The following FRMD6 variants were observed in gnomAD, a reference collection of about 807,000 sequenced individuals.
The protein encoded by FRMD6 is FERM domain containing 6.
In FRMD6, 37 loss-of-function variants were observed where a neutral mutation model predicts 73.2. The ratio of observed to expected loss-of-function variants is 0.51; its 90% CI spans 0.39 to 0.66. The LOEUF (loss-of-function observed/expected upper bound fraction) is 0.66. FRMD6 is among the 30% of genes least tolerant of loss of function. FRMD6 has a pLI of 0.00. For missense variants in FRMD6, 714 were observed against 780.5 expected, an observed-to-expected ratio of 0.91 and a Z score of 1.02; for synonymous variants, 273 against 282.2, an observed-to-expected ratio of 0.97 and a Z score of 0.33.
rs17124010 is a variant in FRMD6, at chr14:51,491,935, A to G, written c.-210+2515A>G. On this transcript the variant is annotated intron_variant, in intron 1 of 14. Coordinates refer to the FRMD6 transcript ENST00000356218. ...CAAAGGACTTCCTCTGCTGCCTGTG[A>G]GTTGTCTCTCCAAGTGTCCTGTCGT... 3.1e-3 allele frequency among the ~76,000 whole-genome samples: 475 copies of G among 152,280 alleles called. 6 individuals carry two copies. Among genetic ancestry groups the G allele is most frequent in the African/African-American group, 0.01 (436 of 41,556 alleles).
chr14:51,685,634 A>G (rs1895097554), intron 1 of FRMD6, among the ~76,000 whole-genome samples: 1 of 152,218 alleles, frequency 6.6e-6, no homozygotes, highest in East Asian at 1.9e-4. Flanking sequence ...TACAGTATTC[A>G]TAGCACAGTA....
At chr14:51,658,630 A>T (rs911229654) in intron 1 of FRMD6, among the ~76,000 whole-genome samples, 1 of 152,162 alleles carries the variant, frequency 6.6e-6, no homozygotes, top group Non-Finnish European at 1.5e-5. Flanking sequence ...GGAAACATCC[A>T]ATCTTTGTCT....
In FRMD6 at chr14:51,631,518, G is replaced by T. The variant is rs151112970; in HGVS notation, c.-146-58173G>T. 3.5e-3 allele frequency among the ~76,000 whole-genome samples: 533 copies of T among 152,304 alleles called. 1 individual carries two copies. The highest frequency in any genetic ancestry group is 5.7e-3 in the Non-Finnish European group (385 of 68,028). ...CTAGAATCAAGCTAAGGAAGCTAAG[G>T]GTTGTTCATGCTTAGGTAGAGAAGG... On this transcript the variant is annotated intron_variant, in intron 2 of 14. Coordinates refer to the FRMD6 transcript ENST00000356218.
chr14:51,617,746 G>T (rs1225702454), intron 2 of FRMD6, among the ~76,000 whole-genome samples: 6 of 152,030 alleles, frequency 3.9e-5, no homozygotes, highest in Admixed American at 3.9e-4. Context: ...TATTTTCTAT[G>T]AATTAGTCAG....
intron 11 of FRMD6, among the ~76,000 whole-genome samples, chr14:51,721,063 T>C (rs1001388639): frequency 6.6e-6 from 1 of 152,200 alleles, no homozygotes; most frequent in Admixed American, 6.5e-5. Context: ...ATCTTTTTGG[T>C]TTCTGTAGAA....
chr14:51,554,300 A>C (rs1214786344), intron 1 of FRMD6, among the ~76,000 whole-genome samples: 1 of 152,184 alleles, frequency 6.6e-6, no homozygotes. Flanking sequence ...TATAAAAGAG[A>C]CAAATCTCCC....
chr14:51,560,683 C>T (rs1260286847), intron 1 of FRMD6, among the ~76,000 whole-genome samples: 2 of 152,146 alleles, frequency 1.3e-5, no homozygotes, highest in African/African-American at 4.8e-5. Flanking sequence ...AGGGTTTCAC[C>T]ATGTTGATCA....
intron 2 of FRMD6, 23 bp from the exon 3 acceptor site, chr14:51,698,119 C>T (rs1243776508): frequency 8.9e-6 from 14 of 1,566,178 alleles, no homozygotes; most frequent in East Asian, 2.2e-5. Context: ...TGTTATTTTA[C>T]GTCGTGCCTT....
chr14:51,725,908 A>T, intron 13 of FRMD6, 38 bp downstream of exon 13: 1 of 1,476,690 alleles, frequency 6.8e-7, no homozygotes, highest in Non-Finnish European at 9.4e-7. Context: ...TAGGAAACTG[A>T]AGTTATAGAA....
At chr14:51,591,690 G>A (rs1207848111) in intron 2 of FRMD6, among the ~76,000 whole-genome samples, 12 of 152,054 alleles carry the variant, frequency 7.9e-5, no homozygotes, top group Admixed American at 7.9e-4. Context: ...TTACAGGTGT[G>A]CGCCACCATG....
intron 2 of FRMD6, among the ~76,000 whole-genome samples, chr14:51,622,091 T>C (rs1225842214): frequency 4.6e-5 from 7 of 151,624 alleles, no homozygotes; most frequent in Non-Finnish European, 1.0e-4. Context: ...GCTGATGGAG[T>C]CTAAGCTTCA....
At chr14:51,411,476 C>G in the FRMD6 span, among the ~76,000 whole-genome samples, 1 of 152,206 alleles carries the variant, frequency 6.6e-6, no homozygotes, top group Non-Finnish European at 1.5e-5. Context: ...AAAATCCACA[C>G]TCTCAGGCTG....
intron 1 of FRMD6, among the ~76,000 whole-genome samples, chr14:51,545,699 C>T (rs917584346): frequency 6.6e-6 from 1 of 152,088 alleles, no homozygotes; most frequent in Non-Finnish European, 1.5e-5. Context: ...ACAAAGCATT[C>T]AGTAAATGCT....
chr14:51,644,353 T>TCTCACACA (rs869203213), intron 2 of FRMD6, among the ~76,000 whole-genome samples: 3 of 142,072 alleles, frequency 2.1e-5, no homozygotes, highest in Non-Finnish European at 4.6e-5. Context: ...GCCTCACCCT[T>TCTCACACA]CACACACACA....
At chr14:51,721,001 A>G (rs534895590) in intron 11 of FRMD6, among the ~76,000 whole-genome samples, 1 of 152,378 alleles carries the variant, frequency 6.6e-6, no homozygotes, top group East Asian at 1.9e-4. Flanking sequence ...TAAGTGCTGT[A>G]GCATTCAGGC....
chr14:51,671,915 A>C (rs1894036134), intron 1 of FRMD6, among the ~76,000 whole-genome samples: 1 of 152,236 alleles, frequency 6.6e-6, no homozygotes, highest in African/African-American at 2.4e-5. Flanking sequence ...TTCAGCTTAC[A>C]CAATCAGAAC....
intron 2 of FRMD6, among the ~76,000 whole-genome samples, chr14:51,596,844 T>C (rs537144617): frequency 3.3e-5 from 5 of 152,168 alleles, no homozygotes; most frequent in Admixed American, 6.6e-5. Flanking sequence ...AGAGAAGCCA[T>C]GCAATGACCA....
chr14:51,590,417 T>C (rs1419243924), intron 2 of FRMD6, among the ~76,000 whole-genome samples: 1 of 152,218 alleles, frequency 6.6e-6, no homozygotes, highest in East Asian at 1.9e-4. Flanking sequence ...CAGCAATTTT[T>C]TTTTTTACAA....
chr14:51,656,880 G>A (rs1892871789), intron 1 of FRMD6, among the ~76,000 whole-genome samples: 1 of 152,154 alleles, frequency 6.6e-6, no homozygotes, highest in Non-Finnish European at 1.5e-5. Context: ...TAGACTCTCA[G>A]TATTCCAAAT....
Sources: gnomAD v4.1 joint callset for allele counts (sites outside exome capture counted in the v4.1 genomes callset) on GRCh38, gnomAD v4.1.1 for gene constraint, MANE v1.5 for transcripts, NCBI Gene and HGNC (gene_info 2026-07-23, HGNC 2026-07-21) for gene names.